CAPN9: variants seen among roughly 807,000 people sequenced by gnomAD.
CAPN9 encodes the protein calpain 9.
Under a neutral mutation model 92.8 loss-of-function variants are expected in CAPN9, and 81 were observed. That is an observed-to-expected ratio of 0.87 (90% confidence interval 0.73 to 1.05). The LOEUF (loss-of-function observed/expected upper bound fraction) is 1.05. CAPN9 is among the 50% of genes least tolerant of loss of function. CAPN9 has a pLI of 0.00. For missense variants in CAPN9, 848 were observed against 866.2 expected (o/e 0.98, Z 0.26); for synonymous variants, 304 against 328.0 (o/e 0.93, Z 0.79).
At chr1:230,749,349 A>T (rs1664620414) in intron 1 of CAPN9, among the ~76,000 whole-genome samples, 1 of 152,238 alleles carries the variant, frequency 6.6e-6, no homozygotes, top group Non-Finnish European at 1.5e-5. Flanking sequence ...TTTCCAAACT[A>T]AAAAAGCAGA....
rs143540977 is a variant in CAPN9 at position 230,799,311 on chromosome 1, C to T, written c.2046+1091C>T. Among the ~76,000 whole-genome samples, 3 of 152,176 alleles carry T rather than the reference C, an allele frequency of 2.0e-5. No homozygotes were observed. The South Asian group carries it at 6.2e-4, about 32-fold the overall frequency. ...TTTCGATTAAGCAGGCTGCTCGGTG[C>T]CTCAGTTTAACCATTTACAGAAAGA... On this transcript the variant is annotated intron_variant, in intron 19 of 19. Coordinates refer to ENST00000271971, the MANE Select transcript of CAPN9 (RefSeq NM_006615.3).
chr1:230,766,368 G>A (rs141308552), intron 4 of CAPN9, among the ~76,000 whole-genome samples: 39 of 152,228 alleles, frequency 2.6e-4, no homozygotes, highest in Admixed American at 1.6e-3. Flanking sequence ...GATTACAAGC[G>A]CACAATGTGC....
At chr1:230,764,299 G>A (rs1460754817) in intron 4 of CAPN9, among the ~76,000 whole-genome samples, 1 of 152,188 alleles carries the variant, frequency 6.6e-6, no homozygotes, top group Non-Finnish European at 1.5e-5. Flanking sequence ...GACAAAGGAA[G>A]GGTGAATTCC....
chr1:230,791,889 A>G lies in CAPN9; in HGVS notation c.1683A>G (p.Leu561=). The G allele has an allele frequency of 6.2e-7, 1 of 1,613,758 alleles. No individual in the cohort carries two copies. Among genetic ancestry groups the G allele is most frequent in the South Asian group, 1.1e-5 (1 of 91,062 alleles). Residue 561 remains leucine, a synonymous_variant, in exon 15 of 20, where the codon CTA becomes CTG. Coordinates refer to ENST00000271971, the MANE Select transcript of CAPN9 (RefSeq NM_006615.3). ...AAAAGGACATCAAATTCAAGAAGCT[A>G]AGCCTGATCTCCTGTAAAAACATCA... The part of the protein sequence containing the change: ...QKKKDIKFKK[L]SLISCKNIIS...
At chr1:230,781,542 G>C (rs1413411529) in intron 11 of CAPN9, among the ~76,000 whole-genome samples, 1 of 152,144 alleles carries the variant, frequency 6.6e-6, no homozygotes, top group Non-Finnish European at 1.5e-5. Flanking sequence ...CTTTATATCA[G>C]TTACTTCTAT....
At chr1:230,791,815 G>A (rs1668007887) in intron 14 of CAPN9, 49 bp from the exon 15 acceptor site, 1 of 1,484,368 alleles carries the variant, frequency 6.7e-7, no homozygotes, top group Non-Finnish European at 9.4e-7. Context: ...TGGGTACATA[G>A]GTTTATCTTA....
chr1:230,748,281 AGGCACCAGCTG>A (rs1664556949), intron 1 of CAPN9, among the ~76,000 whole-genome samples: 1 of 152,162 alleles, frequency 6.6e-6, no homozygotes, highest in South Asian at 2.1e-4. Context: ...TCGTCCCAAG[AGGCACCAGCTG>A]GTCACTGGGT....
chr1:230,767,236 G>A (rs982013809), intron 4 of CAPN9, among the ~76,000 whole-genome samples: 4 of 152,122 alleles, frequency 2.6e-5, no homozygotes, highest in Non-Finnish European at 5.9e-5. Flanking sequence ...AGGCACTAGC[G>A]ACTTGGTCAT....
intron 2 of CAPN9, among the ~76,000 whole-genome samples, chr1:230,757,831 C>T (rs935327013): frequency 3.3e-5 from 5 of 151,550 alleles, no homozygotes; most frequent in Admixed American, 6.6e-5. Flanking sequence ...TGGAGCATGG[C>T]GAGAGGGAGG....
At chr1:230,752,944 G>A (rs1664940802) in intron 1 of CAPN9, among the ~76,000 whole-genome samples, 1 of 152,136 alleles carries the variant, frequency 6.6e-6, no homozygotes, top group Non-Finnish European at 1.5e-5. Context: ...GCTATTCCTG[G>A]GACTCTATTG....
chr1:230,776,964 A>C (rs1253830159), intron 8 of CAPN9: 4 of 152,220 alleles, frequency 2.6e-5, no homozygotes, highest in Non-Finnish European at 4.4e-5. Flanking sequence ...TGTGGAACAC[A>C]TGCAGGGTGC....
At chr1:230,766,021 A>G (rs538236004) in intron 4 of CAPN9, among the ~76,000 whole-genome samples, 2 of 152,170 alleles carry the variant, frequency 1.3e-5, no homozygotes, top group Non-Finnish European at 2.9e-5. Flanking sequence ...TACTCTTGAT[A>G]TCATGAGATG....
intron 6 of CAPN9, among the ~76,000 whole-genome samples, chr1:230,770,315 G>A (rs1309889144): frequency 6.6e-6 from 1 of 152,216 alleles, no homozygotes; most frequent in Non-Finnish European, 1.5e-5. Flanking sequence ...CAGGAAGAGA[G>A]AGTGAATTCC....
chr1:230,779,143 C>T lies in CAPN9; in HGVS notation c.1114+10C>T. 1 of 1,611,236 alleles carries T rather than the reference C, an allele frequency of 6.2e-7. No individual in the cohort carries two copies. The highest frequency in any genetic ancestry group is 1.7e-5 in the Admixed American group (1 of 59,982). On this transcript the variant is annotated intron_variant, in intron 9 of 19. Coordinates refer to ENST00000271971, the MANE Select transcript of CAPN9 (RefSeq NM_006615.3). ...TGCCGCAATTTCCTGGGTAGGTAGG[C>T]TGCCTGTCACTCTCTCTGCCACTCC...
chr1:230,777,336 C>T (rs529532700), intron 8 of CAPN9, among the ~76,000 whole-genome samples: 2 of 152,166 alleles, frequency 1.3e-5, no homozygotes, highest in East Asian at 3.9e-4. Context: ...CTGAGCCTGC[C>T]CAAGGTGATG....
At chr1:230,768,676 TG>T (rs1221378612) in intron 5 of CAPN9, among the ~76,000 whole-genome samples, 2 of 152,340 alleles carry the variant, frequency 1.3e-5, no homozygotes, top group East Asian at 3.9e-4. Flanking sequence ...AACTTTTTGT[TG>T]TTTTTTATGG....
rs3790969 is a variant in CAPN9, at chr1:230,770,890, C to T, written c.790-1124C>T. On this transcript the variant is annotated intron_variant, in intron 6 of 19. Transcript: ENST00000271971. ...GGAGTAAAGAACACTGAAGGGAGAC[C>T]CTGCCCTTCCTCCTCACTGGAGCCA... Among the ~76,000 whole-genome samples, 28 of 152,172 alleles carry T rather than the reference C, an allele frequency of 1.8e-4. No individual in the cohort carries two copies. The East Asian group carries it at 5.4e-3, about 29-fold the overall frequency.
In CAPN9 at chr1:230,747,615, G is replaced by T. The variant is rs1162277300; in HGVS notation, c.119G>T (p.Gly40Val). Residue 40 changes from glycine to valine, a missense_variant, in exon 1 of 20, where the codon GGC becomes GTC. By Grantham distance (109) the Gly-to-Val change is moderately radical. Coordinates refer to ENST00000271971, the MANE Select transcript of CAPN9 (RefSeq NM_006615.3). ...ATGAGGCAGGAGTGCCTGCAGAGAG[G>T]CACCCTGTTTGAGGATGCAGACTTC... Reference protein sequence around the residue: ...EQMRQECLQRGTLFEDADFPA... With the variant: ...EQMRQECLQRVTLFEDADFPA... 7.4e-6 allele frequency: 12 copies of T among 1,614,114 alleles called. No individual in the cohort carries two copies. The East Asian group carries it at 2.7e-4, about 36-fold the overall frequency.
chr1:230,770,127 C>G (rs1292875347), intron 6 of CAPN9, among the ~76,000 whole-genome samples: 1 of 152,130 alleles, frequency 6.6e-6, no homozygotes, highest in African/African-American at 2.4e-5. Flanking sequence ...AAGGCATTGG[C>G]TCATGCAATT....
Sources: allele counts gnomAD v4.1 joint callset (sites outside exome capture counted in the v4.1 genomes callset), GRCh38; gene constraint gnomAD v4.1.1; transcripts MANE v1.5; gene names NCBI Gene and HGNC (gene_info 2026-07-23, HGNC 2026-07-21).